The following ANO3 variants were observed in gnomAD, a reference collection of about 807,000 sequenced individuals.
ANO3 encodes the protein anoctamin-3.
A neutral mutation model predicts 144.8 loss-of-function variants in ANO3; 99 were observed. The observed-to-expected ratio is 0.68, with a 90% CI of 0.58 to 0.81. The LOEUF (loss-of-function observed/expected upper bound fraction) is 0.81, where lower values mean the gene tolerates loss of function less well. ANO3 is among the 30% of genes least tolerant of loss of function. ANO3 has a pLI of 0.00. For missense variants in ANO3, 905 were observed against 1,202.2 expected (o/e 0.75, Z 3.66); for synonymous variants, 414 against 392.6 (o/e 1.05, Z -0.64).
At chr11:26,514,069 A>G (rs996675521) in intron 5 of ANO3, among the ~76,000 whole-genome samples, 1 of 151,414 alleles carries the variant, frequency 6.6e-6, no homozygotes, top group African/African-American at 2.4e-5. Context: ...AAGAAACTAT[A>G]AAGACTACAG....
intron 1 of ANO3, among the ~76,000 whole-genome samples, chr11:26,416,333 C>T (rs950474854): frequency 1.3e-5 from 2 of 151,896 alleles, no homozygotes; most frequent in African/African-American, 4.8e-5. Context: ...ATTTTCAAGG[C>T]TTAATATGGA....
intron 4 of ANO3, among the ~76,000 whole-genome samples, chr11:26,506,260 C>CT (rs1554963122): frequency 1.3e-5 from 2 of 151,996 alleles, no homozygotes; most frequent in Non-Finnish European, 1.5e-5. Context: ...TATATGGCTC[C>CT]TTATCTTTTT....
chr11:26,228,310 A>T (rs568516125), intron 1 of ANO3, among the ~76,000 whole-genome samples: 1 of 152,220 alleles, frequency 6.6e-6, no homozygotes, highest in African/African-American at 2.4e-5. Flanking sequence ...TATACATCAC[A>T]ATTTATCCCC....
chr11:26,210,415 CATG>C (rs1851907997), intron 1 of ANO3, among the ~76,000 whole-genome samples: 3 of 152,122 alleles, frequency 2.0e-5, no homozygotes, highest in African/African-American at 4.8e-5. Flanking sequence ...AGTCAGGTAG[CATG>C]ATGTCTCCAG....
intron 1 of ANO3, among the ~76,000 whole-genome samples, chr11:26,289,622 A>ATG (rs1378567071): frequency 2.2e-5 from 2 of 91,224 alleles, no homozygotes; most frequent in Non-Finnish European, 4.1e-5. Context: ...TATATTCTAT[A>ATG]TGTGTGTATA....
chr11:26,342,544 G>A (rs966147311), intron 1 of ANO3, among the ~76,000 whole-genome samples: 2 of 152,160 alleles, frequency 1.3e-5, no homozygotes, highest in African/African-American at 2.4e-5. Context: ...TAGACACTGA[G>A]CCTACTGGCA....
intron 1 of ANO3, among the ~76,000 whole-genome samples, chr11:26,256,131 T>A (rs1343164831): frequency 1.3e-5 from 2 of 152,184 alleles, no homozygotes; most frequent in East Asian, 1.9e-4. Flanking sequence ...TTCCCTGTAC[T>A]GTGTAAGTTA....
At chr11:26,316,779 G>C (rs1854635459) in intron 1 of ANO3, among the ~76,000 whole-genome samples, 1 of 152,096 alleles carries the variant, frequency 6.6e-6, no homozygotes, top group Non-Finnish European at 1.5e-5. Context: ...TGCTTTTCTG[G>C]GATAGGAATC....
chr11:26,397,791 T>C (rs1289030793), intron 1 of ANO3, among the ~76,000 whole-genome samples: 1 of 152,072 alleles, frequency 6.6e-6, no homozygotes, highest in African/African-American at 2.4e-5. Context: ...ACACAAGAAC[T>C]GATTCTACCT....
chr11:26,617,865 C>T (rs1391550662), intron 17 of ANO3, among the ~76,000 whole-genome samples: 2 of 152,192 alleles, frequency 1.3e-5, no homozygotes, highest in Non-Finnish European at 2.9e-5. Context: ...AAGCACATCA[C>T]AGATTACTAA....
chr11:26,300,073 C>T (rs1312992056), intron 1 of ANO3, among the ~76,000 whole-genome samples: 3 of 152,106 alleles, frequency 2.0e-5, no homozygotes, highest in East Asian at 1.9e-4. Flanking sequence ...CACCATTAAG[C>T]CCTCATGTGG....
intron 1 of ANO3, among the ~76,000 whole-genome samples, chr11:26,361,736 T>A (rs1855933913): frequency 6.6e-6 from 1 of 152,100 alleles, no homozygotes; most frequent in South Asian, 2.1e-4. Flanking sequence ...ACCAATAAAT[T>A]TTCATCTTTA....
chr11:26,460,177 G>C (rs1228144083), intron 3 of ANO3: 1 of 376,634 alleles, frequency 2.7e-6, no homozygotes, highest in Non-Finnish European at 5.2e-6. Context: ...AATATTATTT[G>C]TTTTCTTAGT....
At chr11:26,437,664 A>G (rs980578988) in intron 1 of ANO3, among the ~76,000 whole-genome samples, 4 of 152,074 alleles carry the variant, frequency 2.6e-5, no homozygotes, top group Non-Finnish European at 5.9e-5. Context: ...CAGCCCCTCC[A>G]TAGGTAGTTT....
At chr11:26,219,282 T>C (rs1285124825) in intron 1 of ANO3, among the ~76,000 whole-genome samples, 1 of 152,184 alleles carries the variant, frequency 6.6e-6, no homozygotes, top group Non-Finnish European at 1.5e-5. Flanking sequence ...GAAAAGGATA[T>C]GGTGAGATAG....
chr11:26,343,506 C>G (rs1187643377), intron 1 of ANO3, among the ~76,000 whole-genome samples: 2 of 152,234 alleles, frequency 1.3e-5, no homozygotes, highest in South Asian at 4.1e-4. Flanking sequence ...ACATTTCCAC[C>G]AAGAGTATGT....
intron 3 of ANO3, among the ~76,000 whole-genome samples, chr11:26,460,617 A>G (rs1390793926): frequency 2.0e-5 from 3 of 152,056 alleles, no homozygotes; most frequent in Admixed American, 2.0e-4. Flanking sequence ...TATTTGGCAA[A>G]TGTTCAAAAT....
intron 21 of ANO3, among the ~76,000 whole-genome samples, chr11:26,639,630 C>G (rs1446298168): frequency 6.6e-6 from 1 of 152,230 alleles, no homozygotes; most frequent in Admixed American, 6.5e-5. Flanking sequence ...ATAAAGACAG[C>G]CTTCATTCCT....
intron 11 of ANO3, among the ~76,000 whole-genome samples, chr11:26,545,374 T>C (rs546501671): frequency 6.6e-6 from 1 of 152,222 alleles, no homozygotes; most frequent in Admixed American, 6.6e-5. Flanking sequence ...TAACCATTTC[T>C]GGACATGTGT....
Sources: allele counts gnomAD v4.1 joint callset (sites outside exome capture counted in the v4.1 genomes callset), GRCh38; gene constraint gnomAD v4.1.1; transcripts MANE v1.5; gene names NCBI Gene and HGNC (gene_info 2026-07-23, HGNC 2026-07-21).